The following COIL variants were observed in gnomAD, a reference collection of about 807,000 sequenced individuals.
The protein encoded by COIL is coilin.
A neutral mutation model predicts 51.6 loss-of-function variants in COIL; 28 were observed. That is an observed-to-expected ratio of 0.54 (90% CI 0.40 to 0.74). The LOEUF (loss-of-function observed/expected upper bound fraction) is 0.74, where lower values mean the gene tolerates loss of function less well. Ranked by LOEUF, COIL falls within the 30% of genes least tolerant of loss-of-function variation. COIL has a pLI of 0.00. For synonymous variants in COIL, 233 were observed against 255.8 expected, an observed-to-expected ratio of 0.91 and a Z score of 0.85; for missense variants, 667 against 685.9, an observed-to-expected ratio of 0.97 and a Z score of 0.31.
rs201845428 is a variant in COIL, at chr17:56,950,649, T to C, written c.593A>G (p.Lys198Arg). ...CTGTACTTTCGGAGACTTGGGATTC[T>C]TAGCCTTTTTTTTATATTCACATTT... ...KEKCEYKKKA[K>R]NPKSPKVQAV... The change falls in exon 2 of 7, where the codon AAG (lysine) becomes AGG (arginine). Residue 198 changes from lysine to arginine, a missense_variant. By Grantham distance (26) the Lys-to-Arg change is conservative (BLOSUM62 2). Transcript: ENST00000240316. The C allele has an allele frequency of 3.6e-4, 587 of 1,610,614 alleles. 3 individuals carry two copies. Among genetic ancestry groups the C allele is most frequent in the Non-Finnish European group, 8.1e-5 (95 of 1,179,284 alleles).
intron 1 of COIL, 47 bp downstream of exon 1, chr17:56,960,727 TC>T (rs1445445850): frequency 8.7e-6 from 11 of 1,264,668 alleles, no homozygotes; most frequent in East Asian, 4.3e-5. Flanking sequence ...CGCAGGCGCG[TC>T]CCCCGCCCGC....
Position 56,949,725 on chromosome 17 carries a change from G to C in COIL, c.1396C>G (p.Leu466Val). The C allele has an allele frequency of 1.2e-6, 2 of 1,614,172 alleles. No individual in the cohort carries two copies. The highest frequency in any genetic ancestry group is 1.7e-6 in the Non-Finnish European group (2 of 1,179,996). Residue 466 changes from leucine (L) to valine (V), a missense_variant, in exon 3 of 7, where the codon CTG becomes GTG. Coordinates refer to ENST00000240316, the MANE Select transcript of COIL (RefSeq NM_004645.3). ...CCAACTTGAGGGGCAGCTGCTAACA[G>C]TGGTAACAGACTATAGTCCTTCTTG... The part of the protein sequence containing the change: ...TPKKDYSLLP[L>V]LAAAPQVGEK...
rs777376230 is a variant in COIL, at chr17:56,960,783, G to A, written c.237C>T (p.Asp79=). 3.8e-6 allele frequency: 6 copies of A among 1,575,404 alleles called. No homozygotes were observed. Among genetic ancestry groups the A allele is most frequent in the Admixed American group, 1.9e-5 (1 of 53,826 alleles). Residue 79 remains aspartate, a synonymous_variant, in exon 1 of 7, where the codon GAC becomes GAT. Coordinates refer to ENST00000240316, the MANE Select transcript of COIL (RefSeq NM_004645.3). ...AESARLVRDN[D]CLRVKLEERG... ...CTCCCTGCGCCGCGCACCTGAGGCA[G>A]TCGTTGTCTCTCACAAGGCGCGCGC...
At chr17:56,949,587 G>A in intron 3 of COIL, 94 bp downstream of exon 3, 2 of 1,407,602 alleles carry the variant, frequency 1.4e-6, no homozygotes, top group Non-Finnish European at 2.0e-6. Flanking sequence ...CAGTGGGAAG[G>A]GCTTTTACAA....
At position 56,950,633 on chromosome 17, in the gene COIL, C is replaced by G; in HGVS notation, c.609G>C (p.Pro203=). 6.2e-7 allele frequency: 1 copy of G among 1,612,876 alleles called. No individual in the cohort carries two copies. The highest frequency in any genetic ancestry group is 1.1e-5 in the South Asian group (1 of 90,596). The change falls in exon 2 of 7, where the codon CCG becomes CCC. Residue 203 remains proline (P), a synonymous_variant. Coordinates refer to ENST00000240316, the MANE Select transcript of COIL (RefSeq NM_004645.3). Reference sequence around the variant, plus strand: ...CCCAGTCTTTCACTGCCTGTACTTTCGGAGACTTGGGATTCTTAGCCTTTT... The same window carrying G: ...CCCAGTCTTTCACTGCCTGTACTTTGGGAGACTTGGGATTCTTAGCCTTTT... ...YKKKAKNPKS[P]KVQAVKDWAN... is the part of the protein sequence containing the mutation.
At position 56,960,816 on chromosome 17, in the gene COIL, G is replaced by T. The variant is rs771844660; in HGVS notation, c.204C>A (p.Pro68=). ...CTCTCACAAGGCGCGCGCTCTCGGC[G>T]GGGGGCAAGAGCCCCCCCTCCAGGT... The part of the protein sequence containing the change: ...GLYLEGGLLP[P]AESARLVRDN... Residue 68 remains proline, a synonymous_variant, in exon 1 of 7, where the codon CCC becomes CCA. Coordinates refer to ENST00000240316, the MANE Select transcript of COIL (RefSeq NM_004645.3). The T allele has an allele frequency of 6.3e-7, 1 of 1,587,652 alleles. No individual in the cohort carries two copies. Among genetic ancestry groups the T allele is most frequent in the Admixed American group, 1.8e-5 (1 of 54,554 alleles).
intron 1 of COIL, chr17:56,951,612 T>C (rs1177107906): frequency 6.5e-6 from 1 of 152,710 alleles, no homozygotes; most frequent in African/African-American, 2.4e-5. Context: ...GTCCGGGCTA[T>C]TGGACGTCCA....
chr17:56,958,519 C>G (rs1910522835), intron 1 of COIL, among the ~76,000 whole-genome samples: 1 of 152,192 alleles, frequency 6.6e-6, no homozygotes, highest in Non-Finnish European at 1.5e-5. Flanking sequence ...GCATTTGAAG[C>G]ATTTAGGAAA....
In COIL at chr17:56,958,592, T is replaced by C. The variant is rs570384361; in HGVS notation, c.245+2183A>G. On this transcript the variant is annotated intron_variant, in intron 1 of 6. Transcript: ENST00000240316. The stretch of plus-strand genomic sequence containing the variant: ...CAGTTTTCATGGTTTGTTTTTGTCA[T>C]TGTTAACTTCATTATGAAGAATGTA... Among the ~76,000 whole-genome samples the C allele has an allele frequency of 3.3e-5, 5 of 152,374 alleles. No individual in the cohort carries two copies. In the East Asian group the frequency reaches 7.7e-4, roughly 23 times the overall value.
At chr17:56,953,668 T>C (rs1910426733) in intron 1 of COIL, among the ~76,000 whole-genome samples, 1 of 152,168 alleles carries the variant, frequency 6.6e-6, no homozygotes, top group Non-Finnish European at 1.5e-5. Context: ...TGGTGAATGA[T>C]AGGAGCATAT....
At chr17:56,943,453 A>G (rs1481697068) in intron 5 of COIL, among the ~76,000 whole-genome samples, 3 of 152,156 alleles carry the variant, frequency 2.0e-5, no homozygotes, top group Non-Finnish European at 4.4e-5. Flanking sequence ...TTTCAGCATT[A>G]CCACTTTTGT....
chr17:56,944,457 T>C (rs1910206138), intron 5 of COIL, among the ~76,000 whole-genome samples: 3 of 150,758 alleles, frequency 2.0e-5, no homozygotes, highest in African/African-American at 7.3e-5. Flanking sequence ...CCAGGTGTGG[T>C]GGCGGGTGCC....
chr17:56,955,589 T>A (rs11656627), intron 1 of COIL, among the ~76,000 whole-genome samples: 1 of 152,180 alleles, frequency 6.6e-6, no homozygotes, highest in Non-Finnish European at 1.5e-5. Context: ...TTAAAATCAT[T>A]ACCTCAGCCT....
At chr17:56,946,765 C>T (rs1174900253) in intron 4 of COIL, among the ~76,000 whole-genome samples, 1 of 152,102 alleles carries the variant, frequency 6.6e-6, no homozygotes, top group African/African-American at 2.4e-5. Flanking sequence ...AAATGGCAGA[C>T]ACTATCTTAA....
At chr17:56,956,968 C>G (rs1295640244) in intron 1 of COIL, among the ~76,000 whole-genome samples, 3 of 152,138 alleles carry the variant, frequency 2.0e-5, no homozygotes, top group African/African-American at 4.8e-5. Flanking sequence ...AGAATTGATT[C>G]TTCAAAAGGG....
In COIL at chr17:56,946,479, G is replaced by C; in HGVS notation, c.1521C>G (p.Thr507=). Residue 507 remains threonine, a synonymous_variant, in exon 5 of 7, where the codon ACC becomes ACG. Coordinates refer to ENST00000240316, the MANE Select transcript of COIL (RefSeq NM_004645.3). ...EGRILSHNPE[T]QQVDIEILSS... The stretch of plus-strand genomic sequence containing the variant: ...AAAGAATTTCTATATCTACTTGCTG[G>C]GTCTCTGGATTGTGGCTTAATATTC... The C allele has an allele frequency of 6.2e-7, 1 of 1,611,140 alleles. No individual in the cohort carries two copies. The highest frequency in any genetic ancestry group is 2.2e-5 in the East Asian group (1 of 44,826).
intron 1 of COIL, chr17:56,952,442 G>GA (rs1436187278): frequency 5.0e-5 from 17 of 340,450 alleles, no homozygotes; most frequent in Admixed American, 1.2e-4. Flanking sequence ...TGCCTCAGTG[G>GA]AAAAAAAATT....
chr17:56,950,217 T>C lies in COIL; in HGVS notation c.1025A>G (p.Lys342Arg), dbSNP rs774915859. 6 of 1,614,160 alleles carry C rather than the reference T, an allele frequency of 3.7e-6. No individual in the cohort carries two copies. The highest frequency in any genetic ancestry group is 4.2e-6 in the Non-Finnish European group (5 of 1,180,030). ...STPECAAGFL[K>R]TVGLFAGRGR... is the part of the protein sequence containing the mutation. ...TCTTCCTGCAAAAAGGCCTACTGTCTTTAAGAAACCCGCAGCACACTCCGG... is the reference window on the plus strand; with the variant it reads ...TCTTCCTGCAAAAAGGCCTACTGTCCTTAAGAAACCCGCAGCACACTCCGG... Residue 342 changes from lysine to arginine, a missense_variant, in exon 2 of 7, where the codon AAG becomes AGG. Lys to Arg is a conservative substitution (Grantham distance 26, BLOSUM62 2). Coordinates refer to ENST00000240316, the MANE Select transcript of COIL (RefSeq NM_004645.3).
intron 4 of COIL, among the ~76,000 whole-genome samples, chr17:56,947,680 A>T (rs1204598772): frequency 2.0e-5 from 3 of 152,192 alleles, no homozygotes; most frequent in African/African-American, 7.2e-5. Context: ...CATGTTGGCC[A>T]GGCTGGTCTC....
Sources: gnomAD v4.1 joint callset for allele counts (sites outside exome capture counted in the v4.1 genomes callset) on GRCh38, gnomAD v4.1.1 for gene constraint, MANE v1.5 for transcripts, NCBI Gene and HGNC (gene_info 2026-07-23, HGNC 2026-07-21) for gene names.